The following LRP1B variants were observed in gnomAD, a reference collection of about 807,000 sequenced individuals.
The protein encoded by LRP1B is LDL receptor related protein 1B.
LRP1B carries 217 observed loss-of-function variants against 556.6 expected under a neutral mutation model. The ratio of observed to expected loss-of-function variants is 0.39; its 90% CI spans 0.35 to 0.44. LRP1B has a LOEUF of 0.44. Ranked by LOEUF, LRP1B falls within the 20% of genes least tolerant of loss-of-function variation. LRP1B has a pLI of 1.00. For synonymous variants in LRP1B, 2,047 were observed against 1,865.8 expected (o/e 1.10, Z -2.50); for missense variants, 5,053 against 5,620.8 (o/e 0.90, Z 3.23).
chr2:140,670,615 G>T (rs1685445016), intron 41 of LRP1B, among the ~76,000 whole-genome samples: 1 of 152,036 alleles, frequency 6.6e-6, no homozygotes, highest in African/African-American at 2.4e-5. Context: ...TCCCTGAAGG[G>T]TAAAACATAG....
chr2:140,910,370 T>C (rs1694384925), intron 21 of LRP1B, among the ~76,000 whole-genome samples: 1 of 151,752 alleles, frequency 6.6e-6, no homozygotes, highest in Non-Finnish European at 1.5e-5. Flanking sequence ...TAAAGCTGAA[T>C]CTCTACTTGG....
In LRP1B at chr2:140,918,827, C is replaced by T. The variant is rs546805238; in HGVS notation, c.3319+4138G>A. 1.8e-4 allele frequency among the ~76,000 whole-genome samples: 28 copies of T among 152,074 alleles called. 1 individual carries two copies. The South Asian group carries it at 5.6e-3, about 30-fold the overall frequency. On this transcript the variant is annotated intron_variant, in intron 21 of 90. Transcript: ENST00000389484. ...GTGCCTCAGACACACACCAGGTTTCCCAGTTCTTGATCTTGGACTTCTCAG... is the reference window on the plus strand; with the variant it reads ...GTGCCTCAGACACACACCAGGTTTCTCAGTTCTTGATCTTGGACTTCTCAG...
chr2:141,955,930 G>A (rs1701236215), intron 1 of LRP1B, among the ~76,000 whole-genome samples: 1 of 152,010 alleles, frequency 6.6e-6, no homozygotes, highest in Non-Finnish European at 1.5e-5. Context: ...TAGGCCAGGT[G>A]CAGTGGTTCG....
At chr2:140,307,977 A>G (rs1165411767) in intron 83 of LRP1B, among the ~76,000 whole-genome samples, 7 of 151,870 alleles carry the variant, frequency 4.6e-5, no homozygotes, top group African/African-American at 1.4e-4. Context: ...TACATTAAAG[A>G]TAATAATTTC....
At chr2:140,587,976 C>T (rs945785697) in intron 43 of LRP1B, among the ~76,000 whole-genome samples, 19 of 151,968 alleles carry the variant, frequency 1.3e-4, no homozygotes, top group Admixed American at 1.2e-3. Flanking sequence ...ACCCAGTGAC[C>T]TATGCCAAGT....
In LRP1B at chr2:141,211,304, T is replaced by TAAA. The variant is rs1203235856; in HGVS notation, c.850+17876_850+17878dup. On this transcript the variant is annotated intron_variant, in intron 6 of 90. Transcript: ENST00000389484. ...TGCCCAGCCCATTTTTCTTTTTTTT[T>TAAA]AAAAAAAAAAAACAAAACAAAAACT... 2.1e-4 allele frequency among the ~76,000 whole-genome samples: 31 copies of TAAA among 147,750 alleles called. 1 individual carries two copies. Among genetic ancestry groups the TAAA allele is most frequent in the South Asian group, 8.5e-4 (4 of 4,708 alleles).
chr2:141,185,203 T>C (rs1681187653), intron 7 of LRP1B, among the ~76,000 whole-genome samples: 1 of 152,072 alleles, frequency 6.6e-6, no homozygotes, highest in African/African-American at 2.4e-5. Flanking sequence ...TTCACATTTT[T>C]ATGACAATAA....
At chr2:141,950,209 A>AT (rs1420570484) in intron 1 of LRP1B, among the ~76,000 whole-genome samples, 1 of 152,118 alleles carries the variant, frequency 6.6e-6, no homozygotes, top group African/African-American at 2.4e-5. Context: ...ATTTTATCTT[A>AT]TTTTCCAAAT....
chr2:140,794,624 T>G (rs1690238336), intron 32 of LRP1B, among the ~76,000 whole-genome samples: 1 of 151,944 alleles, frequency 6.6e-6, no homozygotes, highest in Admixed American at 6.6e-5. Flanking sequence ...CTTTCTTTTT[T>G]TTTTTTGAGA....
chr2:140,326,912 C>T lies in LRP1B; in HGVS notation c.12224-1034G>A, dbSNP rs572692040. ...TTGATTTCATGAATGTGATTGGAAT[C>T]CATCCAGTATATTTTTGTAGAAATA... On this transcript the variant is annotated intron_variant, in intron 79 of 90. Coordinates refer to ENST00000389484, the MANE Select transcript of LRP1B (RefSeq NM_018557.3). 8.6e-5 allele frequency among the ~76,000 whole-genome samples: 13 copies of T among 152,042 alleles called. No homozygotes were observed. In the South Asian group the frequency reaches 2.5e-3, roughly 29 times the overall value.
intron 2 of LRP1B, among the ~76,000 whole-genome samples, chr2:141,498,126 A>G (rs1010462961): frequency 1.6e-4 from 24 of 152,086 alleles, no homozygotes; most frequent in African/African-American, 5.5e-4. Context: ...AAGATACTAT[A>G]AAGTATAGAA....
At chr2:142,006,115 A>G in intron 1 of LRP1B, among the ~76,000 whole-genome samples, 1 of 152,140 alleles carries the variant, frequency 6.6e-6, no homozygotes, top group Non-Finnish European at 1.5e-5. Context: ...AACATCAACA[A>G]TAAAAAAATG....
intron 2 of LRP1B, among the ~76,000 whole-genome samples, chr2:141,737,344 T>C (rs1003045619): frequency 6.6e-6 from 1 of 152,060 alleles, no homozygotes; most frequent in Non-Finnish European, 1.5e-5. Context: ...AGAGCAAAAC[T>C]CTGTCTCAGA....
At chr2:141,544,378 T>TCTC (rs1685461726) in intron 2 of LRP1B, among the ~76,000 whole-genome samples, 13 of 111,214 alleles carry the variant, frequency 1.2e-4, no homozygotes, top group Non-Finnish European at 1.9e-4. Flanking sequence ...TTCTTCTTCT[T>TCTC]CTTCTCCTCC....
At chr2:141,822,626 C>T (rs752712192) in intron 1 of LRP1B, among the ~76,000 whole-genome samples, 4 of 152,086 alleles carry the variant, frequency 2.6e-5, no homozygotes, top group Admixed American at 6.6e-5. Context: ...ATCTATTATG[C>T]TGTGTTTTAA....
At chr2:140,708,976 T>A (rs1481986882) in intron 37 of LRP1B, among the ~76,000 whole-genome samples, 1 of 152,054 alleles carries the variant, frequency 6.6e-6, no homozygotes, top group Non-Finnish European at 1.5e-5. Flanking sequence ...CTCTAAGAGA[T>A]GGTATTAAAC....
At chr2:141,930,464 T>G (rs561449857) in intron 1 of LRP1B, among the ~76,000 whole-genome samples, 4 of 152,150 alleles carry the variant, frequency 2.6e-5, no homozygotes, top group African/African-American at 9.6e-5. Context: ...ACTTCAAAGG[T>G]ACATCACTTT....
At chr2:141,250,489 C>T (rs1684220467) in intron 4 of LRP1B, among the ~76,000 whole-genome samples, 1 of 152,112 alleles carries the variant, frequency 6.6e-6, no homozygotes, top group Non-Finnish European at 1.5e-5. Flanking sequence ...TAGAAGCTTC[C>T]CTCTCCCACC....
intron 1 of LRP1B, among the ~76,000 whole-genome samples, chr2:142,046,414 C>A (rs1242434486): frequency 6.6e-6 from 1 of 151,920 alleles, no homozygotes; most frequent in Non-Finnish European, 1.5e-5. Flanking sequence ...AAGTGGTATG[C>A]ACTGGCAGCT....
Sources: gnomAD v4.1 joint callset for allele counts (sites outside exome capture counted in the v4.1 genomes callset) on GRCh38, gnomAD v4.1.1 for gene constraint, MANE v1.5 for transcripts, NCBI Gene and HGNC (gene_info 2026-07-23, HGNC 2026-07-21) for gene names.